Variants in TM9SF2 observed in about 807,000 individuals in gnomAD.
TM9SF2 encodes transmembrane 9 superfamily member 2, also known as 76 kDa membrane protein.
TM9SF2 carries 13 observed loss-of-function variants against 84.9 expected under a neutral mutation model. The ratio of observed to expected loss-of-function variants is 0.15; its 90% CI spans 0.10 to 0.24. TM9SF2 has a LOEUF of 0.24. Among genes scored for constraint, TM9SF2 ranks in the 10% least tolerant of loss-of-function variants. The probability of loss-of-function intolerance (pLI) is 1.00; values close to 1 mark genes in which losing one functional copy is unlikely to be tolerated. For synonymous variants in TM9SF2, 273 were observed against 285.8 expected, an observed-to-expected ratio of 0.96 and a Z score of 0.45; for missense variants, 562 against 818.5, an observed-to-expected ratio of 0.69 and a Z score of 3.82.
chr13:99,540,889 C>T, intron 8 of TM9SF2, 96 bp downstream of exon 8: 1 of 1,137,460 alleles, frequency 8.8e-7, no homozygotes, highest in East Asian at 2.5e-5. Context: ...CTACTTTATT[C>T]AAAAGTCTGG....
At chr13:99,542,140 ACT>A (rs2046262813) in intron 9 of TM9SF2, among the ~76,000 whole-genome samples, 2 of 140,802 alleles carry the variant, frequency 1.4e-5, no homozygotes, top group South Asian at 4.8e-4. Flanking sequence ...ACAGAGCAAG[ACT>A]CTGTCTCAAA....
chr13:99,519,671 G>A (rs9557248), intron 2 of TM9SF2: 80,447 of 141,554 alleles, frequency 0.57, 21,573 homozygotes, highest in East Asian at 0.71. Flanking sequence ...TTTAATTAAA[G>A]ATTTGAATTA....
intron 8 of TM9SF2, 69 bp downstream of exon 8, chr13:99,540,862 T>C (rs2046256131): frequency 2.2e-6 from 3 of 1,346,390 alleles, no homozygotes; most frequent in Admixed American, 1.8e-5. Flanking sequence ...AACATCTCAT[T>C]TACTCTCAAA....
intron 1 of TM9SF2, among the ~76,000 whole-genome samples, chr13:99,511,269 T>C (rs926996797): frequency 2.0e-5 from 3 of 152,176 alleles, no homozygotes; most frequent in Non-Finnish European, 4.4e-5. Flanking sequence ...CATTTTTTCA[T>C]ACTTGTCTTA....
chr13:99,554,323 G>T lies in TM9SF2; in HGVS notation c.1508G>T (p.Arg503Leu). 1 of 1,613,664 alleles carries T rather than the reference G, an allele frequency of 6.2e-7. No individual in the cohort carries two copies. Among genetic ancestry groups the T allele is most frequent in the South Asian group, 1.1e-5 (1 of 90,946 alleles). Reference sequence around the variant, plus strand: ...CTGAAGGCCATTGAACACCCAGTTCGAACCAATCAGATTCCACGTCAGATT... The same window carrying T: ...CTGAAGGCCATTGAACACCCAGTTCTAACCAATCAGATTCCACGTCAGATT... ...FKKNAIEHPV[R>L]TNQIPRQIPE... Residue 503 changes from arginine (R) to leucine (L), a missense_variant, in exon 14 of 17, where the codon CGA becomes CTA. Arg to Leu is a moderately radical substitution (Grantham distance 102, BLOSUM62 -2). Transcript: ENST00000376387.
At chr13:99,562,079 T>C (rs1435158783) in intron 16 of TM9SF2, among the ~76,000 whole-genome samples, 6 of 152,206 alleles carry the variant, frequency 3.9e-5, no homozygotes, top group Non-Finnish European at 4.4e-5. Flanking sequence ...TAAATGGGCT[T>C]GGAGATGTCA....
chr13:99,525,277 T>C (rs914528330), intron 3 of TM9SF2, among the ~76,000 whole-genome samples: 3 of 152,200 alleles, frequency 2.0e-5, no homozygotes, highest in African/African-American at 7.2e-5. Context: ...AGTCTTACTC[T>C]GTTGTCCAGG....
intron 6 of TM9SF2, 126 bp downstream of exon 6, chr13:99,537,989 T>G (rs1331251946): frequency 1.1e-5 from 14 of 1,290,904 alleles, no homozygotes; most frequent in Non-Finnish European, 1.3e-5. Flanking sequence ...AAAACTCCCT[T>G]TGGCATGATT....
chr13:99,543,896 G>A lies in TM9SF2; in HGVS notation c.1051G>A (p.Val351Ile). The change falls in exon 10 of 17, where the codon GTT becomes ATT. Residue 351 changes from valine to isoleucine, a missense_variant. This residue lies in a region of TM9SF2 where 219 missense variants were observed against 338.1 expected (regional missense o/e 0.65). Coordinates refer to ENST00000376387, the MANE Select transcript of TM9SF2 (RefSeq NM_004800.3). ...CCAGGAAGAATTTGGCTGGAAACTT[G>A]TTCATGGTGATATATTCCGTCCTCC... ...DAQEEFGWKL[V>I]HGDIFRPPRK... 6.2e-7 allele frequency: 1 copy of A among 1,614,092 alleles called. No homozygotes were observed. The highest frequency in any genetic ancestry group is 2.2e-5 in the East Asian group (1 of 44,878).
chr13:99,533,247 C>G (rs1278065128), intron 4 of TM9SF2, among the ~76,000 whole-genome samples: 1 of 152,156 alleles, frequency 6.6e-6, no homozygotes, highest in Non-Finnish European at 1.5e-5. Context: ...TGAGAAAACA[C>G]AAGCAGTACA....
intron 3 of TM9SF2, among the ~76,000 whole-genome samples, chr13:99,527,365 A>T (rs564814975): frequency 1.3e-5 from 2 of 152,318 alleles, no homozygotes; most frequent in East Asian, 3.9e-4. Context: ...CAGGAAAACA[A>T]TCATGGCAGA....
chr13:99,521,404 G>A (rs540698784), intron 3 of TM9SF2, among the ~76,000 whole-genome samples: 13 of 152,134 alleles, frequency 8.5e-5, no homozygotes, highest in Non-Finnish European at 1.5e-4. Flanking sequence ...TCCCCAGCCC[G>A]ACAGCTTCCT....
chr13:99,520,876 T>A (rs1340049740), intron 3 of TM9SF2, among the ~76,000 whole-genome samples: 1 of 152,200 alleles, frequency 6.6e-6, no homozygotes, highest in Non-Finnish European at 1.5e-5. Context: ...AGCCTAACCT[T>A]TCTATTTTGA....
intron 2 of TM9SF2, 43 bp downstream of exon 2, chr13:99,517,724 T>G: frequency 7.2e-7 from 1 of 1,392,012 alleles, no homozygotes. Flanking sequence ...TTTATGTGAC[T>G]CATCAGAATT....
chr13:99,554,253 A>G (rs909396179), intron 13 of TM9SF2, 51 bp from the exon 14 acceptor site: 1 of 1,588,362 alleles, frequency 6.3e-7, no homozygotes, highest in Non-Finnish European at 8.6e-7. Flanking sequence ...AGAGAAGAAT[A>G]TTTGAGACAG....
At chr13:99,548,712 C>T (rs1328107263) in intron 11 of TM9SF2, among the ~76,000 whole-genome samples, 1 of 152,200 alleles carries the variant, frequency 6.6e-6, no homozygotes, top group Admixed American at 6.5e-5. Flanking sequence ...CACAGTTCCT[C>T]CTAGAAACCA....
Position 99,554,474 on chromosome 13 carries a change from C to CCTTAT in TM9SF2, c.1640+21_1640+22insTATCT, listed in dbSNP as rs2046318249. 1 of 1,609,864 alleles carries CCTTAT rather than the reference C, an allele frequency of 6.2e-7. No individual in the cohort carries two copies. Among genetic ancestry groups the CCTTAT allele is most frequent in the Non-Finnish European group, 8.5e-7 (1 of 1,177,996 alleles). ...GTATTTGGTAAGCTAAGGATAAAGTCCTCTCATTCTCATTACCATTATATG... is the reference window on the plus strand; with the variant it reads ...GTATTTGGTAAGCTAAGGATAAAGTCCTTATCTCTCATTCTCATTACCATTATATG... On this transcript the variant is annotated intron_variant, in intron 14 of 16. Transcript: ENST00000376387.
chr13:99,555,792 CCTT>C (rs1364616930), intron 15 of TM9SF2, 145 bp downstream of exon 15: 50 of 506,372 alleles, frequency 9.9e-5, no homozygotes, highest in Non-Finnish European at 1.6e-4. Flanking sequence ...TCAAATGTAA[CCTT>C]CTTTAGGATT....
intron 1 of TM9SF2, among the ~76,000 whole-genome samples, chr13:99,503,693 G>A (rs1594041952): frequency 7.5e-6 from 1 of 133,372 alleles, no homozygotes; most frequent in African/African-American, 2.9e-5. Flanking sequence ...CTGGGCAACA[G>A]AGCGAGACTT....
Sources: allele counts gnomAD v4.1 joint callset (sites outside exome capture counted in the v4.1 genomes callset), GRCh38; gene constraint gnomAD v4.1.1; regional missense constraint gnomAD v4.1.1; transcripts MANE v1.5; gene names NCBI Gene and HGNC (gene_info 2026-07-23, HGNC 2026-07-21).